ABHD3: variants seen among roughly 807,000 people sequenced by gnomAD.
ABHD3 encodes phospholipase ABHD3.
In ABHD3, 46 loss-of-function variants were observed where a neutral mutation model predicts 48.8. The observed-to-expected ratio is 0.94, with a 90% confidence interval of 0.74 to 1.20. ABHD3 has a LOEUF of 1.20. Among genes scored for constraint, ABHD3 ranks in the 50% most tolerant of loss-of-function variants. The probability of loss-of-function intolerance (pLI) is 0.00; values close to 1 mark genes in which losing one functional copy is unlikely to be tolerated. For synonymous variants in ABHD3, 192 were observed against 183.7 expected (o/e 1.04, Z -0.36); for missense variants, 490 against 497.8 (o/e 0.98, Z 0.15).
chr18:21,691,070 T>C (rs1231362761), intron 3 of ABHD3, among the ~76,000 whole-genome samples: 2 of 146,412 alleles, frequency 1.4e-5, no homozygotes, highest in South Asian at 2.2e-4. Flanking sequence ...TACAATGACA[T>C]AGATACTCTG....
chr18:21,703,876 C>A (rs1408651264), intron 1 of ABHD3, 129 bp from the exon 2 acceptor site: 2 of 1,002,682 alleles, frequency 2.0e-6, no homozygotes, highest in Non-Finnish European at 2.9e-6. Context: ...GGAGGGCTGA[C>A]GCAAAAAATT....
intron 3 of ABHD3, among the ~76,000 whole-genome samples, chr18:21,686,546 A>AG (rs1408385252): frequency 1.3e-5 from 2 of 152,168 alleles, no homozygotes; most frequent in East Asian, 3.9e-4. Context: ...AGAGTGGGAT[A>AG]TTTGCACTTT....
At chr18:21,699,309 G>A (rs1003484032) in intron 3 of ABHD3, among the ~76,000 whole-genome samples, 8 of 152,180 alleles carry the variant, frequency 5.3e-5, no homozygotes, top group Non-Finnish European at 1.0e-4. Flanking sequence ...GAAAGTGGCA[G>A]TTCGAACATT....
At chr18:21,663,206 AT>A (rs893333200) in intron 5 of ABHD3, among the ~76,000 whole-genome samples, 3 of 152,050 alleles carry the variant, frequency 2.0e-5, no homozygotes, top group East Asian at 1.9e-4. Context: ...AAAAATTAAA[AT>A]TTTTTTTCTT....
intron 4 of ABHD3, chr18:21,682,327 T>C (rs1356922167): frequency 1.3e-5 from 2 of 152,212 alleles, no homozygotes; most frequent in Non-Finnish European, 2.9e-5. Flanking sequence ...ACCTTGGTCT[T>C]TGCGCTGAGA....
At position 21,676,041 on chromosome 18, in the gene ABHD3, T is replaced by C. The variant is rs796475824; in HGVS notation, c.555+7879A>G. Reference sequence around the variant, plus strand: ...TCTTCTACAGGCACTAATTCCATCATAGGGACCCTGCCTTCATGATCTCGC... The same window carrying C: ...TCTTCTACAGGCACTAATTCCATCACAGGGACCCTGCCTTCATGATCTCGC... On this transcript the variant is annotated intron_variant, in intron 4 of 8. Coordinates refer to ENST00000289119, the MANE Select transcript of ABHD3 (RefSeq NM_138340.5). Among the ~76,000 whole-genome samples the C allele has an allele frequency of 6.6e-5, 10 of 152,310 alleles. No homozygotes were observed. In the South Asian group the frequency reaches 8.3e-4, roughly 13 times the overall value.
Position 21,664,236 on chromosome 18 carries a change from A to G in ABHD3, c.556-6T>C. The G allele has an allele frequency of 3.7e-6, 6 of 1,601,064 alleles. No individual in the cohort carries two copies. Among genetic ancestry groups the G allele is most frequent in the Non-Finnish European group, 5.1e-6 (6 of 1,177,042 alleles). ...CAACAATAAGTCCTTGGCGTCTGGA[A>G]GTAGTGACAAGTAAAGCACAAAAAT... On this transcript the variant is annotated splice_region_variant and splice_polypyrimidine_tract_variant and intron_variant, in intron 4 of 8. Coordinates refer to ENST00000289119, the MANE Select transcript of ABHD3 (RefSeq NM_138340.5).
chr18:21,674,080 G>C (rs9965336), intron 4 of ABHD3, among the ~76,000 whole-genome samples: 1,990 of 152,014 alleles, frequency 0.013, 48 homozygotes, highest in African/African-American at 0.045. Flanking sequence ...GTTCTATATG[G>C]GTCTGAACTC....
chr18:21,703,921 A>G, intron 1 of ABHD3, 174 bp from the exon 2 acceptor site: 2 of 638,338 alleles, frequency 3.1e-6, no homozygotes, highest in Non-Finnish European at 5.3e-6. Flanking sequence ...GGGTTTCGCC[A>G]ATGCCCCGAG....
In ABHD3 at chr18:21,657,043, A is replaced by G; in HGVS notation, c.892-17T>C. 1 of 1,614,072 alleles carries G rather than the reference A, an allele frequency of 6.2e-7. No homozygotes were observed. The highest frequency in any genetic ancestry group is 8.5e-7 in the Non-Finnish European group (1 of 1,180,000). Reference sequence around the variant, plus strand: ...GGATTTAGCCTGAAACACAAAAACAAATTATATCTAGTCTTGCCCAAAAGA... The same window carrying G: ...GGATTTAGCCTGAAACACAAAAACAGATTATATCTAGTCTTGCCCAAAAGA... On this transcript the variant is annotated splice_polypyrimidine_tract_variant and intron_variant, in intron 7 of 8. Coordinates refer to ENST00000289119, the MANE Select transcript of ABHD3 (RefSeq NM_138340.5).
intron 4 of ABHD3, among the ~76,000 whole-genome samples, chr18:21,669,012 C>T (rs2039698751): frequency 6.6e-6 from 1 of 152,042 alleles, no homozygotes; most frequent in African/African-American, 2.4e-5. Flanking sequence ...CGCTTGAGCC[C>T]AGCAGTTGAG....
intron 4 of ABHD3, among the ~76,000 whole-genome samples, chr18:21,673,327 CTT>C: frequency 6.6e-6 from 1 of 152,284 alleles, no homozygotes; most frequent in Non-Finnish European, 1.5e-5. Flanking sequence ...GAGTTTCGCT[CTT>C]GTTGCCCAGG....
At chr18:21,699,062 G>A (rs2040449606) in intron 3 of ABHD3, among the ~76,000 whole-genome samples, 2 of 151,732 alleles carry the variant, frequency 1.3e-5, no homozygotes, top group South Asian at 2.1e-4. Flanking sequence ...AGATTCCTGA[G>A]TAGCTGGGAT....
intron 3 of ABHD3, among the ~76,000 whole-genome samples, chr18:21,692,888 G>A (rs1391715861): frequency 6.6e-6 from 1 of 152,182 alleles, no homozygotes; most frequent in East Asian, 1.9e-4. Context: ...AATTTATAGT[G>A]CTTGTAAGTA....
In ABHD3 at chr18:21,702,303, C is replaced by T. The variant is rs779030218; in HGVS notation, c.509+13G>A. Reference sequence around the variant, plus strand: ...ATGGATCAAGTGAAAAAAAAGAAATCTTTTACTGGTACCTGTATCCTAATT... The same window carrying T: ...ATGGATCAAGTGAAAAAAAAGAAATTTTTTACTGGTACCTGTATCCTAATT... On this transcript the variant is annotated intron_variant, in intron 3 of 8. Coordinates refer to ENST00000289119, the MANE Select transcript of ABHD3 (RefSeq NM_138340.5). 1.9e-6 allele frequency: 3 copies of T among 1,550,588 alleles called. No individual in the cohort carries two copies. The highest frequency in any genetic ancestry group is 2.6e-6 in the Non-Finnish European group (3 of 1,144,994).
chr18:21,688,950 A>G (rs2040184950), intron 3 of ABHD3, among the ~76,000 whole-genome samples: 1 of 152,238 alleles, frequency 6.6e-6, no homozygotes, highest in Non-Finnish European at 1.5e-5. Flanking sequence ...TAGGACAAAA[A>G]TAAACATAAG....
intron 8 of ABHD3, among the ~76,000 whole-genome samples, chr18:21,653,017 C>T (rs188407059): frequency 0.021 from 2,778 of 129,450 alleles, 100 homozygotes; most frequent in African/African-American, 0.08. Context: ...CATGCCACTG[C>T]ACTCCAGCCT....
intron 8 of ABHD3, among the ~76,000 whole-genome samples, chr18:21,655,594 G>A (rs1036737885): frequency 6.6e-6 from 1 of 151,676 alleles, no homozygotes; most frequent in African/African-American, 2.4e-5. Context: ...AATGCCAGCA[G>A]TCTGGGAGGC....
At chr18:21,658,532 G>A (rs1285144590) in intron 6 of ABHD3, among the ~76,000 whole-genome samples, 5 of 152,160 alleles carry the variant, frequency 3.3e-5, no homozygotes, top group Non-Finnish European at 7.3e-5. Flanking sequence ...GAATAATTTA[G>A]AATGGTGATT....
Sources: gnomAD v4.1 joint callset for allele counts (sites outside exome capture counted in the v4.1 genomes callset) on GRCh38, gnomAD v4.1.1 for gene constraint, MANE v1.5 for transcripts, NCBI Gene and HGNC (gene_info 2026-07-23, HGNC 2026-07-21) for gene names.